Variants in AP3B2 observed in about 807,000 individuals in gnomAD.
The protein encoded by AP3B2 is AP-3 complex subunit beta-2.
A neutral mutation model predicts 126.9 loss-of-function variants in AP3B2; 50 were observed. That is an observed-to-expected ratio of 0.39 (90% CI 0.31 to 0.50). The LOEUF is 0.50. AP3B2 is among the 20% of genes least tolerant of loss of function. AP3B2 has a pLI of 0.79. For synonymous variants in AP3B2, 541 were observed against 565.0 expected, an observed-to-expected ratio of 0.96 and a Z score of 0.60; for missense variants, 1,177 against 1,426.4, an observed-to-expected ratio of 0.83 and a Z score of 2.82.
rs370984933 is a variant in AP3B2, at chr15:82,688,739, T to C, written c.357A>G (p.Leu119=). The change falls in exon 4 of 27, where the codon CTA becomes CTG. Residue 119 remains leucine, a synonymous_variant. Coordinates refer to ENST00000535359, the MANE Select transcript of AP3B2 (RefSeq NM_001278512.2). ...GAGGCAAACTGAGACCCCTGACCTT[T>C]AGGCCACGTTGGAAGGTGGAGATGG... ...LLSISTFQRG[L]KDPNQLIRAS... The C allele has an allele frequency of 1.3e-5, 21 of 1,610,908 alleles. No homozygotes were observed. The African/African-American group carries it at 2.5e-4, about 19-fold the overall frequency.
rs193241037 is a variant in AP3B2 at position 82,663,739 on chromosome 15, C to T, written c.2436+62G>A. 7.5e-4 allele frequency: 1,195 copies of T among 1,596,872 alleles called. 2 individuals are homozygous for T. Among genetic ancestry groups the T allele is most frequent in the Middle Eastern group, 3.7e-3 (22 of 5,982 alleles). ...TAGGGAGATAGATGTCTGGGCCTGGCCCAGAGGTTGGGGAGGGCCCTGGCC... is the reference window on the plus strand; with the variant it reads ...TAGGGAGATAGATGTCTGGGCCTGGTCCAGAGGTTGGGGAGGGCCCTGGCC... On this transcript the variant is annotated intron_variant, in intron 20 of 26. Transcript: ENST00000535359.
At chr15:82,666,614 G>A (rs1307059476) in intron 15 of AP3B2, 133 bp downstream of exon 15, 1 of 958,100 alleles carries the variant, frequency 1.0e-6, no homozygotes, top group Non-Finnish European at 1.5e-6. Flanking sequence ...GGGACAAAAG[G>A]AGTGAGCCAG....
intron 1 of AP3B2, among the ~76,000 whole-genome samples, chr15:82,704,327 A>G (rs1393036207): frequency 1.3e-5 from 2 of 152,222 alleles, no homozygotes; most frequent in South Asian, 2.1e-4. Context: ...ACCCCATAAC[A>G]GGACTTAATT....
intron 3 of AP3B2, 24 bp from the exon 4 acceptor site, chr15:82,688,855 C>T: frequency 1.9e-6 from 3 of 1,589,848 alleles, no homozygotes; most frequent in Non-Finnish European, 2.6e-6. Flanking sequence ...CGTTTCTCAG[C>T]AGAACGCTTC....
rs1403544644 is a variant in AP3B2, at chr15:82,663,936, C to T, written c.2301G>A (p.Lys767=). The T allele has an allele frequency of 1.2e-6, 2 of 1,608,886 alleles. No individual in the cohort carries two copies. The highest frequency in any genetic ancestry group is 1.7e-6 in the Non-Finnish European group (2 of 1,179,816). The change falls in exon 20 of 27, where the codon AAG becomes AAA. Residue 767 remains lysine (K), a synonymous_variant. Coordinates refer to ENST00000535359, the MANE Select transcript of AP3B2 (RefSeq NM_001278512.2). ...CTTCTCCTTTTCTCTCTGGCACCTT[C>T]TTCTTTGTCTTCCTCTTACCATCCT... ...SEEDGKRKTK[K]KVPERKGEAS...
Position 82,664,502 on chromosome 15 carries a change from C to T in AP3B2, c.2138-12G>A. Reference sequence around the variant, plus strand: ...CTCAGACTCAGGGTCTGTGGAGGAACAATATGAGGCCTCCTCCCTCATATG... The same window carrying T: ...CTCAGACTCAGGGTCTGTGGAGGAATAATATGAGGCCTCCTCCCTCATATG... On this transcript the variant is annotated splice_polypyrimidine_tract_variant and intron_variant, in intron 18 of 26. Transcript: ENST00000535359. The surrounding 1 kb of genome is among the most constrained non-coding windows in gnomAD (Gnocchi z 4.5). 1.2e-6 allele frequency: 2 copies of T among 1,609,874 alleles called. No homozygotes were observed. The highest frequency in any genetic ancestry group is 1.7e-6 in the Non-Finnish European group (2 of 1,178,068).
chr15:82,699,367 A>G, intron 1 of AP3B2: 1 of 304,080 alleles, frequency 3.3e-6, no homozygotes, highest in Admixed American at 5.0e-5. Flanking sequence ...GAAAGAGGTC[A>G]AGGTGGGACC....
chr15:82,677,628 C>T lies in AP3B2; in HGVS notation c.1378+43G>A, dbSNP rs372018785. On this transcript the variant is annotated intron_variant, in intron 12 of 26. Coordinates refer to ENST00000535359, the MANE Select transcript of AP3B2 (RefSeq NM_001278512.2). The stretch of plus-strand genomic sequence containing the variant: ...CAGCAGAGTCAGACCTGCAGGCAGA[C>T]ACCCTCTGATCATCACGGTTAGACA... 400 of 1,490,306 alleles carry T rather than the reference C, an allele frequency of 2.7e-4. No individual in the cohort carries two copies. The Middle Eastern group carries it at 3.7e-3, about 14-fold the overall frequency. The allele number at this position is 1,490,306 out of a possible 1,614,324, so 92.3% of individuals were successfully genotyped here.
intron 14 of AP3B2, among the ~76,000 whole-genome samples, chr15:82,672,027 G>A (rs2048167670): frequency 6.6e-6 from 1 of 152,200 alleles, no homozygotes; most frequent in South Asian, 2.1e-4. Flanking sequence ...CTGGGTGACA[G>A]TGCAAGACTC....
At chr15:82,670,964 G>T (rs1017028653) in intron 14 of AP3B2, among the ~76,000 whole-genome samples, 10 of 152,272 alleles carry the variant, frequency 6.6e-5, no homozygotes, top group South Asian at 2.1e-4. Flanking sequence ...CAACATCATT[G>T]AGCATCAGAG....
At position 82,663,208 on chromosome 15, in the gene AP3B2, C is replaced by G. The variant is rs769190964; in HGVS notation, c.2523G>C (p.Val841=). ...TGGTAGACACAATTGCTGGGGGAGA[C>G]ACAGGCTGGACACTGGGAGGGGTGA... ...EDFTPPSVQP[V]SPPAIVSTSL... is the part of the protein sequence containing the mutation. Residue 841 remains valine, a synonymous_variant, in exon 22 of 27, where the codon GTG becomes GTC. Coordinates refer to ENST00000535359, the MANE Select transcript of AP3B2 (RefSeq NM_001278512.2). 6 of 1,613,106 alleles carry G rather than the reference C, an allele frequency of 3.7e-6. No homozygotes were observed. The highest frequency in any genetic ancestry group is 2.2e-5 in the South Asian group (2 of 90,890).
chr15:82,708,314 T>C (rs1241423226), intron 1 of AP3B2, among the ~76,000 whole-genome samples: 4 of 152,092 alleles, frequency 2.6e-5, no homozygotes, highest in Non-Finnish European at 5.9e-5. Flanking sequence ...GACTCTTTTT[T>C]CGGACTCAGC....
At chr15:82,703,037 C>T (rs2048743392) in intron 1 of AP3B2, among the ~76,000 whole-genome samples, 1 of 152,092 alleles carries the variant, frequency 6.6e-6, no homozygotes, top group Admixed American at 6.5e-5. Flanking sequence ...ATTTCGGTTC[C>T]TTTCCTTTTC....
chr15:82,660,039 C>T lies in AP3B2; in HGVS notation c.3017-56G>A, dbSNP rs1012463154. On this transcript the variant is annotated intron_variant, in intron 25 of 26. Transcript: ENST00000535359. ...GCCATGGTGGGTACAGAGGCCAGCA[C>T]CTGGGTCTGCTTACTGAGCAACAAG... The T allele has an allele frequency of 2.5e-6, 4 of 1,579,898 alleles. No individual in the cohort carries two copies. In the Admixed American group the frequency reaches 5.2e-5, roughly 20 times the overall value.
chr15:82,706,123 G>A (rs547817125), intron 1 of AP3B2, among the ~76,000 whole-genome samples: 42 of 152,270 alleles, frequency 2.8e-4, no homozygotes, highest in East Asian at 1.2e-3. Context: ...AGCGGCTGCC[G>A]CTGCTTTAAT....
chr15:82,699,541 T>C, intron 1 of AP3B2: 1 of 398,896 alleles, frequency 2.5e-6, no homozygotes, highest in Non-Finnish European at 4.4e-6. Flanking sequence ...TCAGAGGAGG[T>C]GGGACCGGAA....
Position 82,664,955 on chromosome 15 carries a change from G to A in AP3B2, c.2029-12C>T. 1 of 1,581,176 alleles carries A rather than the reference G, an allele frequency of 6.3e-7. No individual in the cohort carries two copies. The highest frequency in any genetic ancestry group is 8.6e-7 in the Non-Finnish European group (1 of 1,156,506). ...GTCCATTCAGGTACCTGGAGATGGGGGTAGGGTGCAGGGTCATTTCATCAT... is the reference window on the plus strand; with the variant it reads ...GTCCATTCAGGTACCTGGAGATGGGAGTAGGGTGCAGGGTCATTTCATCAT... On this transcript the variant is annotated splice_polypyrimidine_tract_variant and intron_variant, in intron 17 of 26. Transcript: ENST00000535359. This position sits in a 1 kb window ranked among gnomAD's most constrained non-coding sequence, Gnocchi z 4.5.
chr15:82,663,106 C>G lies in AP3B2; in HGVS notation c.2604+21G>C, dbSNP rs565504120. ...GGATGTGTCCCTGCCCCAGCCCGGTCCCCTCCTCCATCCCACTCACCGACG... is the reference window on the plus strand; with the variant it reads ...GGATGTGTCCCTGCCCCAGCCCGGTGCCCTCCTCCATCCCACTCACCGACG... On this transcript the variant is annotated intron_variant, in intron 22 of 26. Transcript: ENST00000535359. The G allele has an allele frequency of 5.7e-6, 9 of 1,591,360 alleles. No individual in the cohort carries two copies. In the East Asian group the frequency reaches 1.8e-4, roughly 32 times the overall value.
Position 82,664,291 on chromosome 15 carries a change from C to A in AP3B2, c.2261+76G>T. On this transcript the variant is annotated intron_variant, in intron 19 of 26. Coordinates refer to ENST00000535359, the MANE Select transcript of AP3B2 (RefSeq NM_001278512.2). The surrounding 1 kb of genome is among the most constrained non-coding windows in gnomAD (Gnocchi z 4.5). ...GGCTCAGGGGCTCTTAGGAGACTGG[C>A]TAAAGCTCAATGCTAGCCCTCTTTC... 6.2e-7 allele frequency: 1 copy of A among 1,606,100 alleles called. No individual in the cohort carries two copies.
Sources: gnomAD v4.1 joint callset for allele counts (sites outside exome capture counted in the v4.1 genomes callset) on GRCh38, gnomAD v4.1.1 for gene constraint, Gnocchi (gnomAD v3.1) non-coding constraint, MANE v1.5 for transcripts, NCBI Gene and HGNC (gene_info 2026-07-23, HGNC 2026-07-21) for gene names.